The following PMFBP1 variants were observed in gnomAD, a reference collection of about 807,000 sequenced individuals.
The protein encoded by PMFBP1 is polyamine-modulated factor 1-binding protein 1.
In PMFBP1, 131 loss-of-function variants were observed where a neutral mutation model predicts 137.8. That is an observed-to-expected ratio of 0.95 (90% CI 0.82 to 1.10). PMFBP1 has a LOEUF of 1.10. Ranked by LOEUF, PMFBP1 falls within the 50% of genes least tolerant of loss-of-function variation. The probability of loss-of-function intolerance (pLI) is 0.00; values close to 1 mark genes in which losing one functional copy is unlikely to be tolerated. For synonymous variants in PMFBP1, 490 were observed against 450.4 expected, an observed-to-expected ratio of 1.09 and a Z score of -1.11; for missense variants, 1,199 against 1,175.4, an observed-to-expected ratio of 1.02 and a Z score of -0.29.
chr16:72,201,870 C>A, the PMFBP1 span, among the ~76,000 whole-genome samples: 1 of 152,180 alleles, frequency 6.6e-6, no homozygotes. Flanking sequence ...TTCCACGAGG[C>A]CTTCACCAAG....
chr16:72,119,504 C>T (rs971779066), intron 20 of PMFBP1, 150 bp from the exon 21 acceptor site: 7 of 1,523,428 alleles, frequency 4.6e-6, no homozygotes, highest in Non-Finnish European at 6.1e-6. Context: ...GCAGGAAAGG[C>T]GGCTGTGGAC....
upstream of PMFBP1, among the ~76,000 whole-genome samples, chr16:72,173,109 C>G (rs1043520894): frequency 2.0e-5 from 3 of 152,188 alleles, no homozygotes; most frequent in Non-Finnish European, 4.4e-5. Context: ...GGAGGAGTGG[C>G]CTTTGCAAAG....
the PMFBP1 span, among the ~76,000 whole-genome samples, chr16:72,249,356 T>C: frequency 4.9e-3 from 739 of 151,628 alleles, 20 homozygotes; most frequent in South Asian, 1.3e-3. Context: ...ATGGATCCAT[T>C]CCCCAAAGTT....
rs1432616779 is a variant in PMFBP1, at chr16:72,150,815, C to G, written c.429G>C (p.Glu143Asp). ...TCTCGTTGTGATTTCCCATTTCCTC[C>G]TCATAGAGAATCACCTGTAGGTGTA... The part of the protein sequence containing the change: ...KLKEDEVILY[E>D]EEMGNHNENT... Residue 143 changes from glutamate (E) to aspartate (D), a missense_variant, in exon 5 of 21, where the codon GAG (glutamate) becomes GAC (aspartate). By Grantham distance (45) the Glu-to-Asp change is conservative (BLOSUM62 2). Transcript: ENST00000237353. 6.2e-7 allele frequency: 1 copy of G among 1,613,768 alleles called. No individual in the cohort carries two copies. The highest frequency in any genetic ancestry group is 1.1e-5 in the South Asian group (1 of 91,086).
chr16:72,215,224 A>C, the PMFBP1 span, among the ~76,000 whole-genome samples: 1 of 152,296 alleles, frequency 6.6e-6, no homozygotes, highest in East Asian at 1.9e-4. Flanking sequence ...AAGTTCCAAA[A>C]TTGAAGGAGG....
chr16:72,237,450 A>G, the PMFBP1 span, among the ~76,000 whole-genome samples: 1 of 152,126 alleles, frequency 6.6e-6, no homozygotes, highest in Admixed American at 6.6e-5. Context: ...TTAAAAAAAA[A>G]TTCTAGGTGC....
At chr16:72,201,602 C>A in the PMFBP1 span, among the ~76,000 whole-genome samples, 850 of 152,312 alleles carry the variant, frequency 5.6e-3, 8 homozygotes, top group African/African-American at 0.018. Flanking sequence ...TCCAGCAAAG[C>A]TGCCAATCAC....
At chr16:72,120,500 A>G (rs1224670756) in intron 19 of PMFBP1, among the ~76,000 whole-genome samples, 1 of 152,154 alleles carries the variant, frequency 6.6e-6, no homozygotes, top group Non-Finnish European at 1.5e-5. Context: ...TGCCTTGGAA[A>G]CACTCTCACC....
At chr16:72,245,801 ACT>A in the PMFBP1 span, among the ~76,000 whole-genome samples, 30 of 150,244 alleles carry the variant, frequency 2.0e-4, no homozygotes, top group African/African-American at 7.3e-4. Context: ...TCTCTCCTTC[ACT>A]CTCTCTCTCC....
At chr16:72,164,033 TAAC>T (rs36030275) in intron 3 of PMFBP1, among the ~76,000 whole-genome samples, 65,371 of 148,250 alleles carry the variant, frequency 0.44, 16,175 homozygotes, top group African/African-American at 0.69. Context: ...CTTACTCATG[TAAC>T]AACAACAACA....
chr16:72,156,864 C>T lies in PMFBP1; in HGVS notation c.166-2405G>A, dbSNP rs542768635. ...TACACCTAGTATATCAAGCACTACA[C>T]TACGTAATGGGGATATAGCAGTATA... On this transcript the variant is annotated intron_variant, in intron 3 of 20. Coordinates refer to ENST00000237353, the MANE Select transcript of PMFBP1 (RefSeq NM_031293.3). 3.9e-5 allele frequency among the ~76,000 whole-genome samples: 6 copies of T among 152,078 alleles called. No homozygotes were observed. In the South Asian group the frequency reaches 1.2e-3, roughly 32 times the overall value.
At chr16:72,222,996 C>A in the PMFBP1 span, among the ~76,000 whole-genome samples, 1 of 152,024 alleles carries the variant, frequency 6.6e-6, no homozygotes, top group South Asian at 2.1e-4. Context: ...AGTGAATAAT[C>A]TTGGGTATTA....
In PMFBP1 at chr16:72,150,849, T is replaced by A; in HGVS notation, c.415-20A>T. On this transcript the variant is annotated intron_variant, in intron 4 of 20. Transcript: ENST00000237353. ...AATCACCTGTAGGTGTAGGAATAAA[T>A]CCACATTGAGCCCATGGAAGCACGT... The A allele has an allele frequency of 1.2e-6, 2 of 1,601,270 alleles. No individual in the cohort carries two copies. The highest frequency in any genetic ancestry group is 1.7e-6 in the Non-Finnish European group (2 of 1,171,450).
chr16:72,123,024 C>A (rs569119121), intron 18 of PMFBP1, 36 bp from the exon 19 acceptor site: 6 of 1,584,654 alleles, frequency 3.8e-6, no homozygotes, highest in East Asian at 4.5e-5. Context: ...AGCAGCCAGT[C>A]GCCAGCCTCC....
At chr16:72,218,892 A>T in the PMFBP1 span, among the ~76,000 whole-genome samples, 1 of 152,146 alleles carries the variant, frequency 6.6e-6, no homozygotes, top group East Asian at 1.9e-4. Flanking sequence ...CTTAGGAAGT[A>T]ACCCCAACAA....
the PMFBP1 span, among the ~76,000 whole-genome samples, chr16:72,218,366 C>T: frequency 6.6e-6 from 1 of 151,862 alleles, no homozygotes; most frequent in African/African-American, 2.4e-5. Flanking sequence ...AGACTTGAGT[C>T]GTCCAGGCTG....
At chr16:72,187,699 A>G in the PMFBP1 span, among the ~76,000 whole-genome samples, 1 of 152,216 alleles carries the variant, frequency 6.6e-6, no homozygotes, top group Non-Finnish European at 1.5e-5. Context: ...ATTTCCTCCC[A>G]CTGCCGAAGG....
the PMFBP1 span, among the ~76,000 whole-genome samples, chr16:72,219,543 C>T: frequency 8.2e-6 from 1 of 121,840 alleles, no homozygotes; most frequent in South Asian, 2.3e-4. Context: ...GGGAGCTGCT[C>T]AATGTGGGCG....
chr16:72,154,408 C>G lies in PMFBP1; in HGVS notation c.217G>C (p.Gly73Arg). 6.2e-7 allele frequency: 1 copy of G among 1,614,140 alleles called. No individual in the cohort carries two copies. The highest frequency in any genetic ancestry group is 8.5e-7 in the Non-Finnish European group (1 of 1,179,990). Reference protein sequence around the residue: ...LAFEESEVEFGSSKQCHLRQL... With the variant: ...LAFEESEVEFRSSKQCHLRQL... ...CTCAGATGACACTGTTTACTGGACC[C>G]AAATTCCACCTCTGACTCCTCGAAT... The change falls in exon 4 of 21, where the codon GGG becomes CGG. Residue 73 changes from glycine to arginine, a missense_variant. Physicochemically the swap from Gly to Arg is moderately radical, Grantham distance 125 (BLOSUM62 -2). Transcript: ENST00000237353.
Sources: allele counts gnomAD v4.1 joint callset (sites outside exome capture counted in the v4.1 genomes callset), GRCh38; gene constraint gnomAD v4.1.1; transcripts MANE v1.5; gene names NCBI Gene and HGNC (gene_info 2026-07-23, HGNC 2026-07-21).